PRELID2: variants seen among roughly 807,000 people sequenced by gnomAD.
The protein encoded by PRELID2 is PRELI domain-containing protein 2.
PRELID2 carries 25 observed loss-of-function variants against 28.4 expected under a neutral mutation model. The ratio of observed to expected loss-of-function variants is 0.88; its 90% CI spans 0.64 to 1.23. The LOEUF (loss-of-function observed/expected upper bound fraction) is 1.23, where lower values mean the gene tolerates loss of function less well. Among genes scored for constraint, PRELID2 ranks in the 50% most tolerant of loss-of-function variants. PRELID2 has a pLI of 0.00. For synonymous variants in PRELID2, 76 were observed against 71.6 expected (o/e 1.06, Z -0.31); for missense variants, 201 against 214.4 (o/e 0.94, Z 0.39).
the PRELID2 span, among the ~76,000 whole-genome samples, chr5:145,368,688 G>C: frequency 2.2e-3 from 336 of 151,988 alleles, 2 homozygotes; most frequent in Admixed American, 0.014. Context: ...CTGAAAAGAT[G>C]TAGTCACCCA....
chr5:145,391,468 T>C, the PRELID2 span, among the ~76,000 whole-genome samples: 1 of 152,146 alleles, frequency 6.6e-6, no homozygotes, highest in East Asian at 1.9e-4. Context: ...CCTGGCCACA[T>C]CCCAAGGCTG....
intron 1 of PRELID2, among the ~76,000 whole-genome samples, chr5:145,677,764 G>A (rs557816774): frequency 2.6e-4 from 39 of 152,248 alleles, no homozygotes; most frequent in African/African-American, 8.7e-4. Context: ...AAGCACTGGG[G>A]ATAAAGTGTG....
chr5:145,601,614 GA>G (rs1753398522), intron 1 of PRELID2, among the ~76,000 whole-genome samples: 4 of 152,158 alleles, frequency 2.6e-5, no homozygotes, highest in Admixed American at 2.6e-4. Context: ...AAGAGAGTGA[GA>G]AATTACTGAA....
chr5:145,331,173 T>C, the PRELID2 span, among the ~76,000 whole-genome samples: 2 of 152,178 alleles, frequency 1.3e-5, no homozygotes, highest in South Asian at 4.1e-4. Flanking sequence ...TTGCATTCAC[T>C]GAGGAGTGTT....
At chr5:145,349,225 A>G in the PRELID2 span, among the ~76,000 whole-genome samples, 1,183 of 152,230 alleles carry the variant, frequency 7.8e-3, 6 homozygotes, top group Non-Finnish European at 0.013. Context: ...CTGTTTTTAT[A>G]TGTTTCTCAA....
chr5:145,798,853 T>C (rs1752938653), intron 4 of PRELID2, among the ~76,000 whole-genome samples: 1 of 151,950 alleles, frequency 6.6e-6, no homozygotes, highest in Non-Finnish European at 1.5e-5. Flanking sequence ...GTGGGGAACA[T>C]CACACACCAG....
the PRELID2 span, among the ~76,000 whole-genome samples, chr5:145,408,162 G>T: frequency 6.6e-6 from 1 of 152,000 alleles, no homozygotes; most frequent in Admixed American, 6.6e-5. Context: ...AGCCCTTGAG[G>T]TTTAGATCTT....
intron 1 of PRELID2, among the ~76,000 whole-genome samples, chr5:145,687,155 T>C (rs543307212): frequency 2.0e-5 from 3 of 152,344 alleles, no homozygotes; most frequent in Admixed American, 2.0e-4. Context: ...ATGTCAATAC[T>C]ACTGTTATTT....
intron 1 of PRELID2, among the ~76,000 whole-genome samples, chr5:145,550,057 A>G (rs1335738662): frequency 2.0e-5 from 3 of 152,164 alleles, no homozygotes; most frequent in South Asian, 2.1e-4. Context: ...CAGCAGACCA[A>G]TGGGGTTAGG....
At chr5:145,304,721 C>T in the PRELID2 span, among the ~76,000 whole-genome samples, 1 of 152,146 alleles carries the variant, frequency 6.6e-6, no homozygotes, top group East Asian at 1.9e-4. Context: ...AGATTTAGGC[C>T]TTAGACTTCC....
chr5:145,460,509 C>G, the PRELID2 span, among the ~76,000 whole-genome samples: 137 of 152,296 alleles, frequency 9.0e-4, no homozygotes, highest in Non-Finnish European at 1.7e-3. Flanking sequence ...ATACTCTACC[C>G]TGGCCCTAGA....
chr5:145,596,400 G>A (rs1753307058), intron 1 of PRELID2, among the ~76,000 whole-genome samples: 1 of 152,016 alleles, frequency 6.6e-6, no homozygotes, highest in Non-Finnish European at 1.5e-5. Flanking sequence ...TGGAAATGAG[G>A]TCTCAGTACC....
At chr5:145,364,461 C>A in the PRELID2 span, among the ~76,000 whole-genome samples, 1 of 151,930 alleles carries the variant, frequency 6.6e-6, no homozygotes, top group African/African-American at 2.4e-5. Context: ...GCTTTATTGT[C>A]CTGTTCCTCC....
chr5:145,339,280 A>G, the PRELID2 span, among the ~76,000 whole-genome samples: 1 of 152,232 alleles, frequency 6.6e-6, no homozygotes, highest in African/African-American at 2.4e-5. Context: ...CACTGAAAGC[A>G]AGTAAAGAAA....
chr5:145,819,705 A>C (rs1754623977), intron 3 of PRELID2: 2 of 574,048 alleles, frequency 3.5e-6, no homozygotes, highest in Non-Finnish European at 6.1e-6. Context: ...CTTTAAAGTA[A>C]CTGCACAATA....
At chr5:145,424,417 G>A in the PRELID2 span, among the ~76,000 whole-genome samples, 1 of 152,246 alleles carries the variant, frequency 6.6e-6, no homozygotes, top group Admixed American at 6.5e-5. Context: ...CTCCCAGCCA[G>A]GTGCGGGATA....
chr5:145,296,853 G>C, the PRELID2 span, among the ~76,000 whole-genome samples: 5 of 152,174 alleles, frequency 3.3e-5, no homozygotes, highest in African/African-American at 1.2e-4. Context: ...TCCAGCACCA[G>C]TTGTTTCCTG....
At chr5:145,735,383 AT>A (rs1303943958) in intron 1 of PRELID2, among the ~76,000 whole-genome samples, 2 of 152,156 alleles carry the variant, frequency 1.3e-5, no homozygotes, top group Non-Finnish European at 2.9e-5. Flanking sequence ...ACAAAGATGC[AT>A]TTTTATACAC....
At chr5:145,461,565 G>A in the PRELID2 span, among the ~76,000 whole-genome samples, 3 of 152,178 alleles carry the variant, frequency 2.0e-5, no homozygotes, top group South Asian at 6.2e-4. Context: ...TCCTCCCAGA[G>A]TGCTGGGGTT....
Sources: allele counts gnomAD v4.1 joint callset (sites outside exome capture counted in the v4.1 genomes callset), GRCh38; gene constraint gnomAD v4.1.1; transcripts MANE v1.5; gene names NCBI Gene and HGNC (gene_info 2026-07-23, HGNC 2026-07-21).